The following B3GALT1 variants were observed in gnomAD, a reference collection of about 807,000 sequenced individuals.
The protein encoded by B3GALT1 is beta-1,3-galactosyltransferase 1.
A neutral mutation model predicts 23.2 loss-of-function variants in B3GALT1; 10 were observed. That is an observed-to-expected ratio of 0.43 (90% CI 0.27 to 0.73). B3GALT1 has a LOEUF of 0.73. Ranked by LOEUF, B3GALT1 falls within the 30% of genes least tolerant of loss-of-function variation. B3GALT1 has a pLI of 0.21. For missense variants in B3GALT1, 299 were observed against 405.4 expected (o/e 0.74, Z 2.25); for synonymous variants, 156 against 141.5 (o/e 1.10, Z -0.73).
intron 2 of B3GALT1, among the ~76,000 whole-genome samples, chr2:167,564,907 A>G (rs993332099): frequency 2.0e-5 from 3 of 152,254 alleles, no homozygotes; most frequent in African/African-American, 7.2e-5. Context: ...GGAAGAATCA[A>G]TATCATGAAA....
At chr2:167,526,284 A>G (rs1021247279) in intron 2 of B3GALT1, among the ~76,000 whole-genome samples, 1 of 151,926 alleles carries the variant, frequency 6.6e-6, no homozygotes, top group African/African-American at 2.4e-5. Context: ...TATGTCTCCA[A>G]CCCTTATCCA....
intron 2 of B3GALT1, among the ~76,000 whole-genome samples, chr2:167,597,277 G>A (rs10191889): frequency 0.45 from 67,790 of 151,698 alleles, 19,568 homozygotes; most frequent in Non-Finnish European, 0.66. Context: ...CACCATGCCC[G>A]GCTAATTTTT....
chr2:167,701,314 T>G (rs1686878979), intron 3 of B3GALT1, among the ~76,000 whole-genome samples: 1 of 149,352 alleles, frequency 6.7e-6, no homozygotes. Flanking sequence ...TGAGGGGGAG[T>G]GAGTTCCTGG....
intron 2 of B3GALT1, among the ~76,000 whole-genome samples, chr2:167,538,869 T>C (rs545638462): frequency 2.5e-4 from 38 of 152,240 alleles, no homozygotes; most frequent in Non-Finnish European, 5.4e-4. Context: ...TCTAGAGTGC[T>C]GATAGGTAAT....
rs534476328 is a variant in B3GALT1 at position 167,564,151 on chromosome 2, C to T, written c.-410+73874C>T. The stretch of plus-strand genomic sequence containing the variant: ...GGGGCTCCTCACTTCTCAGACGGGG[C>T]GGTTGCCAGGCAGAGGGTCTCCTCA... On this transcript the variant is annotated intron_variant, in intron 2 of 4. Coordinates refer to ENST00000392690, the MANE Select transcript of B3GALT1 (RefSeq NM_020981.4). Among the ~76,000 whole-genome samples the T allele has an allele frequency of 9.9e-3, 1,478 of 149,528 alleles. 19 individuals are homozygous for T. Among genetic ancestry groups the T allele is most frequent in the African/African-American group, 0.035 (1,399 of 40,404 alleles).
chr2:167,499,512 G>A (rs1249565549), intron 2 of B3GALT1, among the ~76,000 whole-genome samples: 1 of 152,086 alleles, frequency 6.6e-6, no homozygotes, highest in Non-Finnish European at 1.5e-5. Context: ...CATATTAAGA[G>A]GAAGAGAATT....
At chr2:167,313,041 TCTCA>T (rs1233435593) in intron 1 of B3GALT1, among the ~76,000 whole-genome samples, 1 of 152,120 alleles carries the variant, frequency 6.6e-6, no homozygotes, top group Non-Finnish European at 1.5e-5. Flanking sequence ...TATTTTTCCC[TCTCA>T]CTCCCTTAAA....
At chr2:167,553,320 T>C (rs1683782261) in intron 2 of B3GALT1, among the ~76,000 whole-genome samples, 2 of 152,150 alleles carry the variant, frequency 1.3e-5, no homozygotes, top group Non-Finnish European at 2.9e-5. Context: ...TCTGATGTAA[T>C]AAAACTTGGG....
chr2:167,421,204 T>G lies in B3GALT1; in HGVS notation c.-510-68973T>G, dbSNP rs557091802. ...AATTATATTTCTAATGTAAATTAATTAAACTTAGATAAAATTAGGAATTCT... is the reference window on the plus strand; with the variant it reads ...AATTATATTTCTAATGTAAATTAATGAAACTTAGATAAAATTAGGAATTCT... On this transcript the variant is annotated intron_variant, in intron 1 of 4. Coordinates refer to ENST00000392690, the MANE Select transcript of B3GALT1 (RefSeq NM_020981.4). Among the ~76,000 whole-genome samples, 16 of 152,320 alleles carry G rather than the reference T, an allele frequency of 1.1e-4. No homozygotes were observed. In the East Asian group the frequency reaches 2.7e-3, roughly 26 times the overall value.
intron 1 of B3GALT1, among the ~76,000 whole-genome samples, chr2:167,371,228 G>C (rs775705817): frequency 4.6e-5 from 7 of 151,742 alleles, no homozygotes; most frequent in Non-Finnish European, 7.4e-5. Context: ...ATGCCTTGTC[G>C]TACATAGTAG....
intron 1 of B3GALT1, among the ~76,000 whole-genome samples, chr2:167,303,421 C>G (rs1413070929): frequency 6.6e-6 from 1 of 152,018 alleles, no homozygotes; most frequent in African/African-American, 2.4e-5. Flanking sequence ...CTTGACTGGT[C>G]TAAGTTGCCT....
At chr2:167,702,904 T>C (rs1306198841) in intron 3 of B3GALT1, among the ~76,000 whole-genome samples, 1 of 152,262 alleles carries the variant, frequency 6.6e-6, no homozygotes, top group Non-Finnish European at 1.5e-5. Flanking sequence ...ACTTCAGCTT[T>C]AAGCATCTTG....
At chr2:167,461,264 G>T (rs996330058) in intron 1 of B3GALT1, among the ~76,000 whole-genome samples, 1 of 152,202 alleles carries the variant, frequency 6.6e-6, no homozygotes, top group African/African-American at 2.4e-5. Context: ...TCTAGGGGTT[G>T]GGTAGCCAGT....
In B3GALT1 at chr2:167,747,061, T is replaced by G. The variant is rs533954926; in HGVS notation, c.-351-71611T>G. ...CTCCAACCCACTAAATTCCGATGAT[T>G]TAAAGCATTGTGTCGACATTTTTCC... On this transcript the variant is annotated intron_variant, in intron 3 of 4. Coordinates refer to ENST00000392690, the MANE Select transcript of B3GALT1 (RefSeq NM_020981.4). 1.6e-4 allele frequency among the ~76,000 whole-genome samples: 24 copies of G among 152,340 alleles called. No individual in the cohort carries two copies. In the East Asian group the frequency reaches 2.7e-3, roughly 17 times the overall value.
intron 2 of B3GALT1, among the ~76,000 whole-genome samples, chr2:167,636,771 T>C (rs1004254129): frequency 1.3e-5 from 2 of 151,936 alleles, no homozygotes; most frequent in African/African-American, 4.8e-5. Flanking sequence ...CACTCATAAG[T>C]GGGAGTTGAA....
chr2:167,320,530 A>G (rs142928336), intron 1 of B3GALT1, among the ~76,000 whole-genome samples: 1 of 151,954 alleles, frequency 6.6e-6, no homozygotes, highest in Non-Finnish European at 1.5e-5. Flanking sequence ...GTCTAAATCT[A>G]GGCTTCTAGA....
At chr2:167,655,829 G>A (rs1002585629) in intron 3 of B3GALT1, among the ~76,000 whole-genome samples, 4 of 152,140 alleles carry the variant, frequency 2.6e-5, no homozygotes, top group Admixed American at 1.3e-4. Context: ...AATTGACAAT[G>A]TAGGCCTGTG....
intron 2 of B3GALT1, among the ~76,000 whole-genome samples, chr2:167,643,151 A>G (rs1045367615): frequency 6.6e-6 from 1 of 152,210 alleles, no homozygotes; most frequent in Non-Finnish European, 1.5e-5. Context: ...CATACCATCT[A>G]TGAAATTCTG....
intron 4 of B3GALT1, among the ~76,000 whole-genome samples, chr2:167,848,166 A>G (rs918775457): frequency 2.0e-5 from 3 of 152,198 alleles, no homozygotes; most frequent in African/African-American, 7.2e-5. Context: ...AGACATTCAA[A>G]ACAGAATTGG....
Sources: allele counts gnomAD v4.1 joint callset (sites outside exome capture counted in the v4.1 genomes callset), GRCh38; gene constraint gnomAD v4.1.1; transcripts MANE v1.5; gene names NCBI Gene and HGNC (gene_info 2026-07-23, HGNC 2026-07-21).